ALCAM: variants seen among roughly 807,000 people sequenced by gnomAD.
ALCAM encodes the protein activated leukocyte cell adhesion molecule.
ALCAM carries 30 observed loss-of-function variants against 70.9 expected under a neutral mutation model. The ratio of observed to expected loss-of-function variants is 0.42; its 90% CI spans 0.32 to 0.57. ALCAM has a LOEUF of 0.57. Among genes scored for constraint, ALCAM ranks in the 20% least tolerant of loss-of-function variants. The pLI, the probability that ALCAM is intolerant of heterozygous loss-of-function variation, is 0.11. For missense variants in ALCAM, 591 were observed against 695.1 expected, an observed-to-expected ratio of 0.85 and a Z score of 1.68; for synonymous variants, 249 against 242.5, an observed-to-expected ratio of 1.03 and a Z score of -0.25.
At chr3:105,421,221 C>T (rs1936643732) in intron 1 of ALCAM, among the ~76,000 whole-genome samples, 1 of 151,286 alleles carries the variant, frequency 6.6e-6, no homozygotes, top group Non-Finnish European at 1.5e-5. Context: ...TCCATTTACA[C>T]AGTTAATAAT....
intron 14 of ALCAM, among the ~76,000 whole-genome samples, chr3:105,566,716 GT>G (rs1940750739): frequency 2.0e-5 from 3 of 152,122 alleles, no homozygotes; most frequent in Non-Finnish European, 4.4e-5. Context: ...CTCTATCTTT[GT>G]TGCTATTATT....
chr3:105,550,019 A>C (rs185027415), intron 11 of ALCAM, 108 bp from the exon 12 acceptor site: 10 of 923,764 alleles, frequency 1.1e-5, no homozygotes, highest in Non-Finnish European at 1.5e-5. Flanking sequence ...TGAACACCAG[A>C]ATGCTCTATA....
intron 1 of ALCAM, among the ~76,000 whole-genome samples, chr3:105,372,209 T>C (rs989463298): frequency 1.3e-5 from 2 of 152,092 alleles, no homozygotes; most frequent in Non-Finnish European, 2.9e-5. Context: ...GAAGAGAATA[T>C]TGCAGGCTGT....
At chr3:105,464,456 AAGTGTGTTTG>A (rs1937658663) in intron 1 of ALCAM, among the ~76,000 whole-genome samples, 1 of 151,282 alleles carries the variant, frequency 6.6e-6, no homozygotes, top group African/African-American at 2.4e-5. Context: ...AAGAGATTGT[AAGTGTGTTTG>A]AGTCAGGAGC....
At chr3:105,488,690 A>AAAGGAAAGAAGGG (rs200273537) in intron 1 of ALCAM, among the ~76,000 whole-genome samples, 1 of 147,942 alleles carries the variant, frequency 6.8e-6, no homozygotes, top group Non-Finnish European at 1.5e-5. Flanking sequence ...AAGGGGAAGG[A>AAAGGAAAGAAGGG]AAGGAAAGAA....
intron 1 of ALCAM, among the ~76,000 whole-genome samples, chr3:105,490,435 G>C (rs1352478821): frequency 1.3e-5 from 2 of 152,158 alleles, no homozygotes; most frequent in Non-Finnish European, 2.9e-5. Flanking sequence ...GAAAATAGAA[G>C]TAAAAGTATT....
chr3:105,551,665 C>T (rs1940410243), intron 12 of ALCAM, among the ~76,000 whole-genome samples: 1 of 151,270 alleles, frequency 6.6e-6, no homozygotes, highest in Non-Finnish European at 1.5e-5. Context: ...CGGAGGTATC[C>T]CCAGTTTTAA....
rs4894831 is a variant in ALCAM at position 105,431,850 on chromosome 3, G to T, written c.73+64369G>T. Among the ~76,000 whole-genome samples the T allele has an allele frequency of 3.7e-3, 558 of 152,012 alleles. 2 individuals carry two copies. The highest frequency in any genetic ancestry group is 0.029 in the East Asian group (147 of 5,148). On this transcript the variant is annotated intron_variant, in intron 1 of 15. Coordinates refer to ENST00000306107, the MANE Select transcript of ALCAM (RefSeq NM_001627.4). Reference sequence around the variant, plus strand: ...TCAGAAGCCGTTCTTCCCAAACTGAGGACCAAATCATTTAAAAGTATGATA... The same window carrying T: ...TCAGAAGCCGTTCTTCCCAAACTGATGACCAAATCATTTAAAAGTATGATA...
chr3:105,441,575 G>T (rs1216761840), intron 1 of ALCAM, among the ~76,000 whole-genome samples: 2 of 152,130 alleles, frequency 1.3e-5, no homozygotes, highest in Non-Finnish European at 2.9e-5. Flanking sequence ...ATATTTACAG[G>T]TGCAACTGAC....
chr3:105,514,089 A>G (rs1043422967), intron 1 of ALCAM, among the ~76,000 whole-genome samples: 1 of 151,852 alleles, frequency 6.6e-6, no homozygotes, highest in South Asian at 2.1e-4. Context: ...CCTCAATCTC[A>G]TTGCTGGGAT....
Position 105,524,462 on chromosome 3 carries a change from A to T in ALCAM, c.348A>T (p.Val116=), listed in dbSNP as rs760463121. The T allele has an allele frequency of 1.9e-6, 3 of 1,614,112 alleles. No individual in the cohort carries two copies. The highest frequency in any genetic ancestry group is 2.5e-6 in the Non-Finnish European group (3 of 1,179,974). Residue 116 remains valine, a synonymous_variant, in exon 3 of 16, where the codon GTA becomes GTT. Coordinates refer to ENST00000306107, the MANE Select transcript of ALCAM (RefSeq NM_001627.4). ...SDEKRFVCML[V]TEDNVFEAPT... ...AAAAGAGATTTGTGTGCATGCTAGT[A>T]ACTGAGGACAACGTGTTTGAGGCAC...
chr3:105,435,319 A>G (rs1278303608), intron 1 of ALCAM, among the ~76,000 whole-genome samples: 1 of 152,246 alleles, frequency 6.6e-6, no homozygotes, highest in African/African-American at 2.4e-5. Context: ...AGCTGTTAAC[A>G]GTAAAATAAA....
chr3:105,447,578 C>T (rs1274063408), intron 1 of ALCAM, among the ~76,000 whole-genome samples: 1 of 152,128 alleles, frequency 6.6e-6, no homozygotes, highest in Non-Finnish European at 1.5e-5. Flanking sequence ...TGGTGGCATG[C>T]ATCTGGGGTG....
At chr3:105,441,208 C>T (rs984807790) in intron 1 of ALCAM, among the ~76,000 whole-genome samples, 9 of 151,888 alleles carry the variant, frequency 5.9e-5, no homozygotes, top group Admixed American at 5.2e-4. Context: ...TATAACTTTT[C>T]TTGTGGGTTT....
At chr3:105,495,134 C>G (rs1351628994) in intron 1 of ALCAM, among the ~76,000 whole-genome samples, 1 of 152,142 alleles carries the variant, frequency 6.6e-6, no homozygotes, top group Non-Finnish European at 1.5e-5. Context: ...AAACTCCTTA[C>G]CAAAATAACA....
chr3:105,488,330 T>C (rs1938488055), intron 1 of ALCAM, among the ~76,000 whole-genome samples: 1 of 152,024 alleles, frequency 6.6e-6, no homozygotes, highest in South Asian at 2.1e-4. Context: ...CCATCAGTGG[T>C]CAAAGAGCTT....
chr3:105,535,816 A>C (rs1461462603), intron 6 of ALCAM, among the ~76,000 whole-genome samples: 1 of 152,058 alleles, frequency 6.6e-6, no homozygotes, highest in Non-Finnish European at 1.5e-5. Flanking sequence ...GTAACCTAGC[A>C]CTTCTACATC....
At chr3:105,560,674 G>C (rs1186859247) in intron 14 of ALCAM, among the ~76,000 whole-genome samples, 2 of 152,116 alleles carry the variant, frequency 1.3e-5, no homozygotes, top group African/African-American at 2.4e-5. Flanking sequence ...TGACATTGAA[G>C]GGTATGATCT....
intron 1 of ALCAM, among the ~76,000 whole-genome samples, chr3:105,474,348 T>A (rs933205025): frequency 9.2e-5 from 14 of 151,796 alleles, no homozygotes; most frequent in African/African-American, 3.4e-4. Context: ...GTGTATATGG[T>A]CTGACTTCTT....
Sources: gnomAD v4.1 joint callset for allele counts (sites outside exome capture counted in the v4.1 genomes callset) on GRCh38, gnomAD v4.1.1 for gene constraint, MANE v1.5 for transcripts, NCBI Gene and HGNC (gene_info 2026-07-23, HGNC 2026-07-21) for gene names.